ECEL1: variants seen among roughly 807,000 people sequenced by gnomAD.
The protein encoded by ECEL1 is endothelin-converting enzyme-like 1.
Under a neutral mutation model 101.8 loss-of-function variants are expected in ECEL1, and 87 were observed. That is an observed-to-expected ratio of 0.85 (90% CI 0.72 to 1.02). The LOEUF (loss-of-function observed/expected upper bound fraction) is 1.02, where lower values mean the gene tolerates loss of function less well. Ranked by LOEUF, ECEL1 falls within the 50% of genes least tolerant of loss-of-function variation. The probability of loss-of-function intolerance (pLI) is 0.00; values close to 1 mark genes in which losing one functional copy is unlikely to be tolerated. For synonymous variants in ECEL1, 487 were observed against 468.7 expected, an observed-to-expected ratio of 1.04 and a Z score of -0.50; for missense variants, 1,032 against 1,079.2, an observed-to-expected ratio of 0.96 and a Z score of 0.61.
rs1230087532 is a variant in ECEL1 at position 232,487,787 on chromosome 2, C to G, written c.-170G>C. The G allele has an allele frequency of 1.3e-5, 2 of 149,678 alleles. No homozygotes were observed. The highest frequency in any genetic ancestry group is 2.4e-5 in the African/African-American group (1 of 41,226). The allele number at this position is 149,678 out of a possible 1,614,324, so 9.3% of individuals were successfully genotyped here. On this transcript the variant is annotated 5_prime_UTR_variant, in exon 1 of 18. Coordinates refer to ENST00000304546, the MANE Select transcript of ECEL1 (RefSeq NM_004826.4). ...GCCCGAGCGGGGGCCTGAGCCGCAG[C>G]GCAGCCGAGCGGGCGTCCGGTGTCT...
intron 8 of ECEL1, 33 bp from the exon 9 acceptor site, chr2:232,483,212 G>A (rs1483985099): frequency 2.5e-6 from 4 of 1,580,780 alleles, no homozygotes; most frequent in African/African-American, 1.3e-5. Flanking sequence ...GGTGGCACCA[G>A]GCCTCGGGAG....
rs1690532579 is a variant in ECEL1 at position 232,479,971 on chromosome 2, C to G, written c.*182G>C. 1 of 623,832 alleles carries G rather than the reference C, an allele frequency of 1.6e-6. No individual in the cohort carries two copies. Among genetic ancestry groups the G allele is most frequent in the East Asian group, 2.8e-5 (1 of 36,302 alleles). The allele number at this position is 623,832 out of a possible 1,614,324, so 38.6% of individuals were successfully genotyped here. A position where few individuals can be genotyped will look rare whatever the true frequency, so the allele number is the denominator to read the frequency against. On this transcript the variant is annotated 3_prime_UTR_variant, in exon 18 of 18. Transcript: ENST00000304546. Reference sequence around the variant, plus strand: ...TATTTCCCTCACAGCCCCCCAAAGTCCAGCCTCACCCTGCTCCAGGCCCCT... The same window carrying G: ...TATTTCCCTCACAGCCCCCCAAAGTGCAGCCTCACCCTGCTCCAGGCCCCT...
intron 16 of ECEL1, 59 bp from the exon 17 acceptor site, chr2:232,480,534 C>A: frequency 6.2e-7 from 1 of 1,603,718 alleles, no homozygotes; most frequent in South Asian, 1.1e-5. Flanking sequence ...CATCCGCCCC[C>A]TTGCCCCCCA....
chr2:232,479,916 C>T lies in ECEL1; in HGVS notation c.*237G>A. ...ATCCAGCCTGGCAGAGGGTCTGGCC[C>T]CCTTAGAGCAGAATCTGGGGACCCC... On this transcript the variant is annotated 3_prime_UTR_variant, in exon 18 of 18. Coordinates refer to ENST00000304546, the MANE Select transcript of ECEL1 (RefSeq NM_004826.4). 3 of 575,840 alleles carry T rather than the reference C, an allele frequency of 5.2e-6. No individual in the cohort carries two copies. The highest frequency in any genetic ancestry group is 9.3e-6 in the Non-Finnish European group (3 of 321,954). 35.7% of individuals were successfully genotyped at this position (575,840 alleles called of 1,614,324 possible). A position where few individuals can be genotyped will look rare whatever the true frequency, so the allele number is the denominator to read the frequency against.
Position 232,480,831 on chromosome 2 carries a change from A to C in ECEL1, c.2056-18T>G, listed in dbSNP as rs528183067. On this transcript the variant is annotated intron_variant, in intron 15 of 17. Coordinates refer to ENST00000304546, the MANE Select transcript of ECEL1 (RefSeq NM_004826.4). ...TGATAGGCCTGGGGACACAGAGAGCATGGACCTGCTATGCCCGCCCACCCT... is the reference window on the plus strand; with the variant it reads ...TGATAGGCCTGGGGACACAGAGAGCCTGGACCTGCTATGCCCGCCCACCCT... 1 of 1,607,936 alleles carries C rather than the reference A, an allele frequency of 6.2e-7. No homozygotes were observed. The highest frequency in any genetic ancestry group is 1.3e-5 in the African/African-American group (1 of 74,928).
Position 232,485,274 on chromosome 2 carries a change from A to C in ECEL1, c.787-7T>G, listed in dbSNP as rs1277807472. On this transcript the variant is annotated splice_region_variant and splice_polypyrimidine_tract_variant and intron_variant, in intron 2 of 17. Coordinates refer to ENST00000304546, the MANE Select transcript of ECEL1 (RefSeq NM_004826.4). Reference sequence around the variant, plus strand: ...TGAGCCCATCCTGGTCAATCTGGGGAGGGAGACAGGGGCCACAGGTCAGAG... The same window carrying C: ...TGAGCCCATCCTGGTCAATCTGGGGCGGGAGACAGGGGCCACAGGTCAGAG... 6.2e-7 allele frequency: 1 copy of C among 1,612,814 alleles called. No individual in the cohort carries two copies. The highest frequency in any genetic ancestry group is 8.5e-7 in the Non-Finnish European group (1 of 1,179,890).
Position 232,479,849 on chromosome 2 carries a change from C to T in ECEL1, c.*304G>A, listed in dbSNP as rs1690529706. On this transcript the variant is annotated 3_prime_UTR_variant, in exon 18 of 18. Coordinates refer to ENST00000304546, the MANE Select transcript of ECEL1 (RefSeq NM_004826.4). Reference sequence around the variant, plus strand: ...GGCAACAGTGCAGTGATTTATTGACCAGACTTTGCAGCAAGAACACAGCGA... The same window carrying T: ...GGCAACAGTGCAGTGATTTATTGACTAGACTTTGCAGCAAGAACACAGCGA... The T allele has an allele frequency of 2.4e-6, 1 of 425,376 alleles. No homozygotes were observed. The highest frequency in any genetic ancestry group is 2.0e-5 in the African/African-American group (1 of 50,050). 26.4% of individuals were successfully genotyped at this position (425,376 alleles called of 1,614,324 possible). A position where few individuals can be genotyped will look rare whatever the true frequency, so the allele number is the denominator to read the frequency against.
Position 232,485,231 on chromosome 2 carries a change from G to A in ECEL1, c.823C>T (p.Leu275=), listed in dbSNP as rs368577795. 1.9e-6 allele frequency: 3 copies of A among 1,613,532 alleles called. No homozygotes were observed. The highest frequency in any genetic ancestry group is 1.3e-5 in the African/African-American group (1 of 74,916). Residue 275 remains leucine, a synonymous_variant, in exon 3 of 18, where the codon CTG becomes TTG. Transcript: ENST00000304546. ...QDGLTLPERT[L]YLAQDEDSEK... ...CTGTCCTCATCCTGAGCGAGGTACA[G>A]GGTCCTCTCTGGCAGGGTGAGCCCA...
chr2:232,483,275 C>T lies in ECEL1; in HGVS notation c.1507-96G>A, dbSNP rs541083158. ...CCAAGGAAGGGAGCACTAGGCCAGC[C>T]TGGGAGTGGGCTTCACAGTGGGGGA... On this transcript the variant is annotated intron_variant, in intron 8 of 17. Coordinates refer to ENST00000304546, the MANE Select transcript of ECEL1 (RefSeq NM_004826.4). 18 of 1,531,082 alleles carry T rather than the reference C, an allele frequency of 1.2e-5. 1 individual carries two copies. In the South Asian group the frequency reaches 2.1e-4, roughly 18 times the overall value. The allele number at this position is 1,531,082 out of a possible 1,614,324, so 94.8% of individuals were successfully genotyped here.
rs771804560 is a variant in ECEL1, at chr2:232,480,490, G to C, written c.2152-15C>G. On this transcript the variant is annotated splice_polypyrimidine_tract_variant and intron_variant, in intron 16 of 17. Coordinates refer to ENST00000304546, the MANE Select transcript of ECEL1 (RefSeq NM_004826.4). ...ATGCACCAGTTCTGGGTCCAGGAGCGGGGTGGAGGGGAGGAGGGGGAGATG... is the reference window on the plus strand; with the variant it reads ...ATGCACCAGTTCTGGGTCCAGGAGCCGGGTGGAGGGGAGGAGGGGGAGATG... The C allele has an allele frequency of 3.5e-5, 56 of 1,613,380 alleles. No homozygotes were observed. In the Middle Eastern group the frequency reaches 1.3e-3, roughly 38 times the overall value.
intron 9 of ECEL1, 74 bp from the exon 10 acceptor site, chr2:232,483,028 G>T: frequency 6.2e-7 from 1 of 1,611,164 alleles, no homozygotes; most frequent in East Asian, 2.2e-5. Flanking sequence ...CAACCTGGCC[G>T]TGCAGGCCAC....
rs978526923 is a variant in ECEL1, at chr2:232,482,657, C to T, written c.1686-49G>A. 3.2e-6 allele frequency: 5 copies of T among 1,574,706 alleles called. No homozygotes were observed. In the African/African-American group the frequency reaches 6.7e-5, roughly 21 times the overall value. ...TGGGGGGAACACACTCCCTCCCCCG[C>T]TACCCTCACATCACAGCTTCCTCGT... On this transcript the variant is annotated intron_variant, in intron 10 of 17. Transcript: ENST00000304546.
chr2:232,482,374 C>T (rs757633542), intron 12 of ECEL1, 44 bp downstream of exon 12: 2 of 1,612,670 alleles, frequency 1.2e-6, no homozygotes, highest in Non-Finnish European at 8.5e-7. Flanking sequence ...GTCTGCAATG[C>T]CAGCCCTGCC....
intron 3 of ECEL1, 33 bp downstream of exon 3, chr2:232,485,166 C>A (rs778733494): frequency 2.5e-6 from 4 of 1,612,946 alleles, no homozygotes; most frequent in Non-Finnish European, 2.5e-6. Flanking sequence ...GGGCCCCAGG[C>A]CTTCCCTGCC....
intron 8 of ECEL1, 116 bp from the exon 9 acceptor site, chr2:232,483,295 G>A (rs2742077): frequency 6.5e-6 from 10 of 1,547,950 alleles, no homozygotes; most frequent in African/African-American, 1.4e-5. Flanking sequence ...GCTTCACAGT[G>A]GGGGAGGCAG....
chr2:232,484,410 C>T (rs1271444632), intron 6 of ECEL1, 62 bp downstream of exon 6: 15 of 1,600,476 alleles, frequency 9.4e-6, no homozygotes, highest in Admixed American at 3.3e-5. Flanking sequence ...GCAGAGAGGT[C>T]CAGGGTGCAG....
At chr2:232,484,358 G>C in intron 6 of ECEL1, 114 bp downstream of exon 6, 13 of 1,566,454 alleles carry the variant, frequency 8.3e-6, no homozygotes, top group Non-Finnish European at 9.5e-6. Context: ...GGGACAGGGG[G>C]TCATCCCAGC....
Position 232,480,065 on chromosome 2 carries a change from G to A in ECEL1, c.*88C>T. 1 of 1,332,248 alleles carries A rather than the reference G, an allele frequency of 7.5e-7. No homozygotes were observed. Among genetic ancestry groups the A allele is most frequent in the Non-Finnish European group, 1.1e-6 (1 of 944,416 alleles). The allele number at this position is 1,332,248 out of a possible 1,614,324, so 82.5% of individuals were successfully genotyped here. A position where few individuals can be genotyped will look rare whatever the true frequency, so the allele number is the denominator to read the frequency against. ...GGAAGGCAGGTGGTGCCCAGAGCGG[G>A]GCTGGCACCGGGTGCATGCCTGCCC... On this transcript the variant is annotated 3_prime_UTR_variant, in exon 18 of 18. Transcript: ENST00000304546.
intron 16 of ECEL1, 89 bp from the exon 17 acceptor site, chr2:232,480,564 G>C: frequency 6.5e-7 from 1 of 1,549,982 alleles, no homozygotes; most frequent in South Asian, 1.1e-5. Flanking sequence ...CAAGGCGGTA[G>C]GCCCCCTCAG....
Sources: gnomAD v4.1 joint callset for allele counts on GRCh38, gnomAD v4.1.1 for gene constraint, MANE v1.5 for transcripts, NCBI Gene and HGNC (gene_info 2026-07-23, HGNC 2026-07-21) for gene names.